The following GET4 variants were observed in gnomAD, a reference collection of about 807,000 sequenced individuals.
GET4 encodes guided entry of tail-anchored proteins factor 4.
A neutral mutation model predicts 40.0 loss-of-function variants in GET4; 20 were observed. That is an observed-to-expected ratio of 0.50 (90% CI 0.35 to 0.73). The LOEUF is 0.73. GET4 is among the 30% of genes least tolerant of loss of function. The pLI, the probability that GET4 is intolerant of heterozygous loss-of-function variation, is 0.01. For synonymous variants in GET4, 280 were observed against 194.6 expected, an observed-to-expected ratio of 1.44 and a Z score of -3.65; for missense variants, 557 against 454.0, an observed-to-expected ratio of 1.23 and a Z score of -2.06.
At chr7:882,768 C>T (rs1236629883) in intron 1 of GET4, 1 of 152,468 alleles carries the variant, frequency 6.6e-6, no homozygotes, top group Non-Finnish European at 1.5e-5. Context: ...CCCAGGCCAA[C>T]TGGATTATTG....
Position 895,459 on chromosome 7 carries a change from C to T in GET4, c.*37C>T, listed in dbSNP as rs201607309. The stretch of plus-strand genomic sequence containing the variant: ...CACGTGGAGACACCACGGTCGACGA[C>T]GGCTGGAGGGACGTTTCAGAGGCGA... On this transcript the variant is annotated 3_prime_UTR_variant, in exon 9 of 9. Transcript: ENST00000265857. 1.9e-4 allele frequency: 211 copies of T among 1,107,144 alleles called. No individual in the cohort carries two copies. Among genetic ancestry groups the T allele is most frequent in the East Asian group, 1.4e-3 (56 of 40,598 alleles). The allele number at this position is 1,107,144 out of a possible 1,614,324, so 68.6% of individuals were successfully genotyped here.
In GET4 at chr7:893,997, C is replaced by T. The variant is rs375430256; in HGVS notation, c.895+26C>T. On this transcript the variant is annotated intron_variant, in intron 8 of 8. Transcript: ENST00000265857. Reference sequence around the variant, plus strand: ...GTAAGCCGGGGCGCCCTTGTCACACCCACTCCAGCCCTGGGTCGGTGTGGG... The same window carrying T: ...GTAAGCCGGGGCGCCCTTGTCACACTCACTCCAGCCCTGGGTCGGTGTGGG... The T allele has an allele frequency of 1.3e-4, 190 of 1,510,598 alleles. No individual in the cohort carries two copies. The African/African-American group carries it at 2.0e-3, about 16-fold the overall frequency. The allele number at this position is 1,510,598 out of a possible 1,614,324, so 93.6% of individuals were successfully genotyped here.
intron 1 of GET4, chr7:881,839 C>G (rs1163336156): frequency 6.6e-6 from 1 of 152,204 alleles, no homozygotes; most frequent in Non-Finnish European, 1.5e-5. Context: ...CCTCTTCCCT[C>G]AGGCCGGCCC....
chr7:884,346 C>G (rs1481785350), intron 1 of GET4: 2 of 1,303,792 alleles, frequency 1.5e-6, no homozygotes, highest in East Asian at 1.1e-4. Flanking sequence ...ACTAGGACGG[C>G]CGGTCACAGA....
At chr7:876,878 C>T (rs1843961842) in intron 1 of GET4, 78 bp downstream of exon 1, 7 of 808,874 alleles carry the variant, frequency 8.7e-6, no homozygotes, top group Non-Finnish European at 1.1e-5. Context: ...TCGCCCCGCG[C>T]CCCCATTGGG....
rs61747650 is a variant in GET4 at position 893,904 on chromosome 7, C to T, written c.828C>T (p.Leu276=). 1.1e-5 allele frequency: 17 copies of T among 1,612,014 alleles called. No individual in the cohort carries two copies. Among genetic ancestry groups the T allele is most frequent in the Admixed American group, 1.0e-4 (6 of 59,890 alleles). Reference sequence around the variant, plus strand: ...CCGCTGCCTGTGCCTTGCAGTACCTCGACCGCATAGGACAGCTGTTCTTCG... The same window carrying T: ...CCGCTGCCTGTGCCTTGCAGTACCTTGACCGCATAGGACAGCTGTTCTTCG... The part of the protein sequence containing the change: ...LRRDPMYNEY[L]DRIGQLFFGV... The change falls in exon 8 of 9, where the codon CTC becomes CTT. Residue 276 remains leucine (L), a synonymous_variant. Coordinates refer to ENST00000265857, the MANE Select transcript of GET4 (RefSeq NM_015949.3).
In GET4 at chr7:894,093, T is replaced by G. The variant is rs1024287911; in HGVS notation, c.895+122T>G. 7.1e-5 allele frequency: 43 copies of G among 601,788 alleles called. No homozygotes were observed. The African/African-American group carries it at 7.8e-4, about 11-fold the overall frequency. The allele number at this position is 601,788 out of a possible 1,614,324, so 37.3% of individuals were successfully genotyped here. A position where few individuals can be genotyped will look rare whatever the true frequency, so the allele number is the denominator to read the frequency against. ...AAGTGGTTTTCTGATCTTTTAAATGTTTCTCAGTTTACTTTTGTTAGTAGG... is the reference window on the plus strand; with the variant it reads ...AAGTGGTTTTCTGATCTTTTAAATGGTTCTCAGTTTACTTTTGTTAGTAGG... On this transcript the variant is annotated intron_variant, in intron 8 of 8. Transcript: ENST00000265857.
chr7:893,740 T>G lies in GET4; in HGVS notation c.747T>G (p.Gly249=). 1.3e-6 allele frequency: 2 copies of G among 1,599,832 alleles called. No individual in the cohort carries two copies. Among genetic ancestry groups the G allele is most frequent in the South Asian group, 2.2e-5 (2 of 90,020 alleles). ...ACATCCCTGTGTGTCTCTGTCCCAGTGGGAAGCTGACGGTGTTCACTGTGC... is the reference window on the plus strand; with the variant it reads ...ACATCCCTGTGTGTCTCTGTCCCAGGGGGAAGCTGACGGTGTTCACTGTGC... ...FIWFLLLAVD[G]GKLTVFTVLC... The change falls in exon 7 of 9, where the codon GGT becomes GGG. Residue 249 remains glycine, a splice_region_variant and synonymous_variant. Transcript: ENST00000265857.
chr7:891,471 G>T (rs1222640650), intron 5 of GET4, among the ~76,000 whole-genome samples: 3 of 151,646 alleles, frequency 2.0e-5, no homozygotes, highest in African/African-American at 7.3e-5. Flanking sequence ...CAGGCTCCGG[G>T]CGCTGTCTGC....
chr7:893,036 T>G (rs1220734801), intron 6 of GET4, among the ~76,000 whole-genome samples: 2 of 143,476 alleles, frequency 1.4e-5, no homozygotes, highest in African/African-American at 5.3e-5. Flanking sequence ...TAGGCGTGTG[T>G]GCAGGTGAGT....
intron 1 of GET4, chr7:883,184 G>A (rs1241086279): frequency 6.6e-6 from 1 of 152,248 alleles, no homozygotes; most frequent in Non-Finnish European, 1.5e-5. Context: ...CCTCCTTACA[G>A]GCGCGTCCAG....
chr7:893,073 C>T (rs1315610723), intron 6 of GET4, among the ~76,000 whole-genome samples: 1 of 128,686 alleles, frequency 7.8e-6, no homozygotes, highest in Non-Finnish European at 1.6e-5. Context: ...GTGGTGTGTG[C>T]AGGCGAGTGT....
chr7:882,876 A>C (rs1020232688), intron 1 of GET4: 10 of 152,334 alleles, frequency 6.6e-5, no homozygotes, highest in African/African-American at 2.4e-4. Context: ...CTGAGACCAC[A>C]GCCCAGGAGG....
chr7:877,234 T>C (rs1406893864), intron 1 of GET4, among the ~76,000 whole-genome samples: 2 of 149,244 alleles, frequency 1.3e-5, no homozygotes, highest in Admixed American at 1.3e-4. Context: ...GCCTTCTCCT[T>C]CTTCCTTTGC....
In GET4 at chr7:896,273, G is replaced by C. The variant is rs190212735; in HGVS notation, c.*851G>C. The C allele has an allele frequency of 6.6e-6, 1 of 152,218 alleles. No homozygotes were observed. The highest frequency in any genetic ancestry group is 2.4e-5 in the African/African-American group (1 of 41,438). The allele number at this position is 152,218 out of a possible 1,614,324, so 9.4% of individuals were successfully genotyped here. On this transcript the variant is annotated 3_prime_UTR_variant, in exon 9 of 9. Coordinates refer to ENST00000265857, the MANE Select transcript of GET4 (RefSeq NM_015949.3). Reference sequence around the variant, plus strand: ...CTACTCCAAATGTTACCAGAACGATGACAAAAGGGGAGACGCTCTATTTTT... The same window carrying C: ...CTACTCCAAATGTTACCAGAACGATCACAAAAGGGGAGACGCTCTATTTTT...
chr7:877,134 G>T (rs969605454), intron 1 of GET4, among the ~76,000 whole-genome samples: 2 of 149,484 alleles, frequency 1.3e-5, no homozygotes, highest in Admixed American at 1.3e-4. Flanking sequence ...TGTCTCCTCG[G>T]CCGCCTCCCG....
intron 4 of GET4, among the ~76,000 whole-genome samples, chr7:890,490 GGGTT>G (rs1844295633): frequency 6.6e-6 from 1 of 152,030 alleles, no homozygotes; most frequent in Non-Finnish European, 1.5e-5. Flanking sequence ...GAGATGTTGA[GGGTT>G]GGTTGTTGGG....
chr7:887,485 G>A lies in GET4; in HGVS notation c.432G>A (p.Arg144=), dbSNP rs1212589099. ...GCTCCGGGAAGCTGGGCCACCCCCG[G>A]CTGCACCAGCTGCTGGCCCTCACCC... is the stretch of plus-strand genomic sequence containing the variant. ...SGGSGKLGHP[R]LHQLLALTLW... is the part of the protein sequence containing the mutation. The change falls in exon 4 of 9, where the codon CGG becomes CGA. Residue 144 remains arginine (R), a synonymous_variant. Transcript: ENST00000265857. 1 of 1,572,544 alleles carries A rather than the reference G, an allele frequency of 6.4e-7. No homozygotes were observed. Among genetic ancestry groups the A allele is most frequent in the Non-Finnish European group, 8.6e-7 (1 of 1,158,888 alleles).
intron 6 of GET4, among the ~76,000 whole-genome samples, chr7:892,999 CGTG>C (rs1030073374): frequency 4.1e-5 from 6 of 145,342 alleles, no homozygotes; most frequent in Middle Eastern, 3.9e-3. Context: ...TGGGGGCGGG[CGTG>C]GTGGTGTTTG....
Sources: gnomAD v4.1 joint callset for allele counts (sites outside exome capture counted in the v4.1 genomes callset) on GRCh38, gnomAD v4.1.1 for gene constraint, MANE v1.5 for transcripts, NCBI Gene and HGNC (gene_info 2026-07-23, HGNC 2026-07-21) for gene names.